The following FYB1 variants were observed in gnomAD, a reference collection of about 807,000 sequenced individuals.
The protein encoded by FYB1 is FYN binding protein 1.
In FYB1, 41 loss-of-function variants were observed where a neutral mutation model predicts 94.1. The observed-to-expected ratio is 0.44, with a 90% CI of 0.34 to 0.57. The LOEUF (loss-of-function observed/expected upper bound fraction) is 0.57. Among genes scored for constraint, FYB1 ranks in the 20% least tolerant of loss-of-function variants. FYB1 has a pLI of 0.02. For synonymous variants in FYB1, 367 were observed against 353.2 expected, an observed-to-expected ratio of 1.04 and a Z score of -0.44; for missense variants, 1,050 against 976.8, an observed-to-expected ratio of 1.07 and a Z score of -1.00.
intron 1 of FYB1, among the ~76,000 whole-genome samples, chr5:39,261,303 A>G (rs1208577882): frequency 2.1e-5 from 2 of 95,812 alleles, no homozygotes; most frequent in East Asian, 5.5e-4. Flanking sequence ...TTAAAGTAGA[A>G]TTAAAAAAAA....
At chr5:39,224,384 C>T (rs1750387984), upstream of FYB1, among the ~76,000 whole-genome samples, 1 of 152,160 alleles carries the variant, frequency 6.6e-6, no homozygotes, top group African/African-American at 2.4e-5. Context: ...CTTCTGCTTG[C>T]TCACCCAGGG....
intron 2 of FYB1, among the ~76,000 whole-genome samples, chr5:39,155,095 T>C (rs1743626539): frequency 6.6e-6 from 1 of 152,128 alleles, no homozygotes; most frequent in Non-Finnish European, 1.5e-5. Flanking sequence ...AAGCCTCTCT[T>C]TACAAACTTC....
At chr5:39,169,098 T>C in intron 2 of FYB1, 1 of 630,146 alleles carries the variant, frequency 1.6e-6, no homozygotes, top group Non-Finnish European at 2.9e-6. Flanking sequence ...TAAAAGCTTG[T>C]AGTGATAAAA....
intron 1 of FYB1, among the ~76,000 whole-genome samples, chr5:39,225,887 T>C (rs1750450936): frequency 6.6e-6 from 1 of 152,178 alleles, no homozygotes; most frequent in African/African-American, 2.4e-5. Flanking sequence ...AGTGGTTGGT[T>C]CCACTTTTTT....
intron 1 of FYB1, among the ~76,000 whole-genome samples, chr5:39,257,516 T>C (rs1027241026): frequency 1.3e-5 from 2 of 151,934 alleles, no homozygotes; most frequent in African/African-American, 2.4e-5. Flanking sequence ...TATTCACACA[T>C]AAACCCATGC....
At position 39,108,088 on chromosome 5, in the gene FYB1, G is replaced by A. The variant is rs989806974; in HGVS notation, c.2467+143C>T. 5 of 698,798 alleles carry A rather than the reference G, an allele frequency of 7.2e-6. No individual in the cohort carries two copies. In the African/African-American group the frequency reaches 7.5e-5, roughly 11 times the overall value. The allele number at this position is 698,798 out of a possible 1,614,324, so 43.3% of individuals were successfully genotyped here. A position where few individuals can be genotyped will look rare whatever the true frequency, so the allele number is the denominator to read the frequency against. On this transcript the variant is annotated intron_variant, in intron 18 of 18. Coordinates refer to ENST00000512982, the MANE Select transcript of FYB1 (RefSeq NM_001465.6). ...CGGTATTTTCCCCCCATTATGCCAGGGCATTTACCTTTTCTAACATTTTCA... is the reference window on the plus strand; with the variant it reads ...CGGTATTTTCCCCCCATTATGCCAGAGCATTTACCTTTTCTAACATTTTCA...
chr5:39,221,484 A>G (rs1459042129), upstream of FYB1, among the ~76,000 whole-genome samples: 5 of 152,214 alleles, frequency 3.3e-5, no homozygotes, highest in Admixed American at 3.3e-4. Flanking sequence ...ATAACTAACC[A>G]TGACACACTG....
chr5:39,169,762 G>A (rs1745079793), intron 2 of FYB1: 1 of 487,100 alleles, frequency 2.1e-6, no homozygotes, highest in Non-Finnish European at 4.0e-6. Context: ...GTTGGGATGT[G>A]CTCAGTGCAG....
chr5:39,170,311 G>T, intron 2 of FYB1: 1 of 1,389,540 alleles, frequency 7.2e-7, no homozygotes, highest in Non-Finnish European at 9.7e-7. Context: ...TGTCTTTCCA[G>T]CAAGATCAAC....
chr5:39,148,068 C>G (rs1019938590), intron 3 of FYB1, among the ~76,000 whole-genome samples: 8 of 147,396 alleles, frequency 5.4e-5, no homozygotes, highest in African/African-American at 2.0e-4. Context: ...CTTAGGGAAG[C>G]CATTGCTCCC....
intron 18 of FYB1, among the ~76,000 whole-genome samples, chr5:39,107,744 C>T (rs1188569209): frequency 1.3e-5 from 2 of 151,906 alleles, no homozygotes; most frequent in African/African-American, 4.8e-5. Flanking sequence ...TTGGTAGTCA[C>T]TCTGAACGAG....
At chr5:39,175,086 A>G (rs1269350477) in intron 2 of FYB1, among the ~76,000 whole-genome samples, 2 of 152,164 alleles carry the variant, frequency 1.3e-5, no homozygotes, top group African/African-American at 4.8e-5. Context: ...ATTGACAAAT[A>G]AACAATAAGG....
chr5:39,142,057 G>C (rs1198666071), intron 3 of FYB1, among the ~76,000 whole-genome samples: 1 of 151,976 alleles, frequency 6.6e-6, no homozygotes, highest in Non-Finnish European at 1.5e-5. Flanking sequence ...TTATGTATAT[G>C]ACCATTTATA....
chr5:39,221,314 C>G (rs376498985), upstream of FYB1, among the ~76,000 whole-genome samples: 1 of 152,204 alleles, frequency 6.6e-6, no homozygotes, highest in South Asian at 2.1e-4. Flanking sequence ...GGACCTGGCC[C>G]CCAACACAGG....
intron 1 of FYB1, among the ~76,000 whole-genome samples, chr5:39,274,051 A>T (rs1477447172): frequency 6.6e-6 from 1 of 152,130 alleles, no homozygotes; most frequent in African/African-American, 2.4e-5. Context: ...CAGCCTCCCA[A>T]GTAACTGAGA....
intron 2 of FYB1, among the ~76,000 whole-genome samples, chr5:39,174,026 C>T (rs1745485837): frequency 6.6e-6 from 1 of 152,066 alleles, no homozygotes; most frequent in Non-Finnish European, 1.5e-5. Flanking sequence ...CTGTAAATTG[C>T]TTTGGGCAGG....
At chr5:39,205,652 A>G (rs966749746) in intron 1 of FYB1, among the ~76,000 whole-genome samples, 2 of 152,170 alleles carry the variant, frequency 1.3e-5, no homozygotes, top group African/African-American at 4.8e-5. Flanking sequence ...TTTAGAAAAT[A>G]TGGAAGTGGT....
In FYB1 at chr5:39,125,966, T is replaced by C. The variant is rs780854929; in HGVS notation, c.2045+32A>G. Reference sequence around the variant, plus strand: ...GATTCAATACATATTAGTGTAGTTATTGTACACTGGATTTGGTTGGTTGAC... The same window carrying C: ...GATTCAATACATATTAGTGTAGTTACTGTACACTGGATTTGGTTGGTTGAC... On this transcript the variant is annotated intron_variant, in intron 12 of 18. Coordinates refer to ENST00000512982, the MANE Select transcript of FYB1 (RefSeq NM_001465.6). 1.6e-5 allele frequency: 25 copies of C among 1,599,856 alleles called. 1 individual carries two copies. The highest frequency in any genetic ancestry group is 4.4e-5 in the South Asian group (4 of 90,480).
At chr5:39,186,259 A>G (rs900208434) in intron 2 of FYB1, among the ~76,000 whole-genome samples, 4 of 152,206 alleles carry the variant, frequency 2.6e-5, no homozygotes, top group Middle Eastern at 3.2e-3. Flanking sequence ...CCCCGTCTCT[A>G]CTAAAAATAC....
Sources: allele counts gnomAD v4.1 joint callset (sites outside exome capture counted in the v4.1 genomes callset), GRCh38; gene constraint gnomAD v4.1.1; transcripts MANE v1.5; gene names NCBI Gene and HGNC (gene_info 2026-07-23, HGNC 2026-07-21).